The following VPS52 variants were observed in gnomAD, a reference collection of about 807,000 sequenced individuals.
The protein encoded by VPS52 is vacuolar protein sorting-associated protein 52 homolog.
Under a neutral mutation model 98.7 loss-of-function variants are expected in VPS52, and 56 were observed. That is an observed-to-expected ratio of 0.57 (90% CI 0.46 to 0.71). The LOEUF is 0.71. Ranked by LOEUF, VPS52 falls within the 30% of genes least tolerant of loss-of-function variation. The pLI is 0.00. For missense variants in VPS52, 742 were observed against 925.9 expected (o/e 0.80, Z 2.58); for synonymous variants, 348 against 346.4 (o/e 1.00, Z -0.05).
intron 1 of VPS52, chr6:33,270,992 G>A (rs966598426): frequency 6.5e-6 from 1 of 154,952 alleles, no homozygotes; most frequent in African/African-American, 2.5e-5. Context: ...GGAGATGACC[G>A]AATGAGGAAA....
chr6:33,263,887 G>C lies in VPS52; in HGVS notation c.1621-8C>G. ...AAAATTCTCCACCTCCACCTGAAAA[G>C]GCAGAGAGGAAGAGGTGACACCAGA... On this transcript the variant is annotated splice_polypyrimidine_tract_variant and splice_region_variant and intron_variant, in intron 15 of 19. Coordinates refer to ENST00000445902, the MANE Select transcript of VPS52 (RefSeq NM_022553.6). 1.9e-6 allele frequency: 3 copies of C among 1,614,176 alleles called. No homozygotes were observed. The highest frequency in any genetic ancestry group is 2.5e-6 in the Non-Finnish European group (3 of 1,180,022).
intron 3 of VPS52, 88 bp from the exon 4 acceptor site, chr6:33,269,907 A>G (rs1467468776): frequency 6.3e-7 from 1 of 1,599,618 alleles, no homozygotes; most frequent in Non-Finnish European, 8.6e-7. Context: ...AGGGTCAGAT[A>G]CCAGGCTGAT....
Position 33,266,625 on chromosome 6 carries a change from CA to C in VPS52, c.1212del (p.Phe404LeufsTer22). On this transcript the variant is annotated frameshift_variant, in exon 12 of 20. Transcript: ENST00000445902. LOFTEE classifies it high-confidence loss of function. ...TCGTGTGCAGCTGGGCCAGACACAA[CA>C]AAAAATTCACAGATGAAAAGGTATT... ...CREYLFICEF[F>X]VVSGPAAHDL... is the part of the protein sequence containing the mutation. The C allele has an allele frequency of 6.2e-7, 1 of 1,612,770 alleles. No individual in the cohort carries two copies. The highest frequency in any genetic ancestry group is 8.5e-7 in the Non-Finnish European group (1 of 1,179,952).
At position 33,269,551 on chromosome 6, in the gene VPS52, T is replaced by C. The variant is rs1179733312; in HGVS notation, c.311A>G (p.Gln104Arg). ...IEQKSIRDYI[Q>R]ESENIASLHN... is the part of the protein sequence containing the mutation. ...TAGAGATGCTATATTCTCACTCTCTTGAATATCTGATCCACAAAAAGTCAA... is the reference window on the plus strand; with the variant it reads ...TAGAGATGCTATATTCTCACTCTCTCGAATATCTGATCCACAAAAAGTCAA... Residue 104 changes from glutamine to arginine, a missense_variant, in exon 5 of 20, where the codon CAA becomes CGA. Physicochemically the swap from Gln to Arg is conservative, Grantham distance 43. Transcript: ENST00000445902. 6.2e-7 allele frequency: 1 copy of C among 1,609,254 alleles called. No individual in the cohort carries two copies. The highest frequency in any genetic ancestry group is 1.3e-5 in the African/African-American group (1 of 74,782).
chr6:33,271,420 G>C, intron 1 of VPS52, 166 bp downstream of exon 1: 1 of 997,492 alleles, frequency 1.0e-6, no homozygotes, highest in Non-Finnish European at 1.6e-6. Context: ...CAGCCACTAG[G>C]GTCCCGCTCA....
At chr6:33,269,225 G>A (rs1410041293) in intron 5 of VPS52, 36 bp from the exon 6 acceptor site, 1 of 1,608,144 alleles carries the variant, frequency 6.2e-7, no homozygotes, top group Non-Finnish European at 8.5e-7. Context: ...AGTGCTATAG[G>A]GTTTGTAGGG....
intron 3 of VPS52, 86 bp downstream of exon 3, chr6:33,269,913 C>G: frequency 6.2e-7 from 1 of 1,601,392 alleles, no homozygotes; most frequent in Non-Finnish European, 8.6e-7. Flanking sequence ...AGATACCAGG[C>G]TGATACAACA....
intron 12 of VPS52, among the ~76,000 whole-genome samples, 194 bp from the exon 13 acceptor site, chr6:33,265,094 T>C (rs1290596097): frequency 6.6e-6 from 1 of 152,016 alleles, no homozygotes; most frequent in East Asian, 1.9e-4. Flanking sequence ...TTTTTTGAGA[T>C]AGAGTTTCAC....
intron 4 of VPS52, 92 bp from the exon 5 acceptor site, chr6:33,269,649 A>G (rs1371557278): frequency 2.5e-6 from 4 of 1,570,878 alleles, no homozygotes; most frequent in African/African-American, 1.4e-5. Context: ...AGTGATAGAA[A>G]CCTCAGAGAT....
In VPS52 at chr6:33,271,727, G is replaced by C. The variant is rs761215436; in HGVS notation, c.-52C>G. 11 of 1,557,230 alleles carry C rather than the reference G, an allele frequency of 7.1e-6. No individual in the cohort carries two copies. Among genetic ancestry groups the C allele is most frequent in the Non-Finnish European group, 9.6e-6 (11 of 1,149,800 alleles). On this transcript the variant is annotated 5_prime_UTR_variant, in exon 1 of 20. Transcript: ENST00000445902. ...GTCAGTCCCGGCGAGTCCGTTCCCC[G>C]GAGTGGAGCTACAAGTCCCAAAGGG... is the stretch of plus-strand genomic sequence containing the variant.
At chr6:33,270,473 G>A (rs112764150) in intron 1 of VPS52, among the ~76,000 whole-genome samples, 190 bp from the exon 2 acceptor site, 5,796 of 152,178 alleles carry the variant, frequency 0.038, 190 homozygotes, top group African/African-American at 0.087. Flanking sequence ...TAAGGAATAC[G>A]ACAAGGAGTG....
Position 33,267,594 on chromosome 6 carries a change from A to G in VPS52, c.991+88T>C, listed in dbSNP as rs1214278868. ...TCTAAAAGGTTTCAGTCCCATAGGA[A>G]AAGGTAAGGAGCAGTGCATTGGTGG... On this transcript the variant is annotated intron_variant, in intron 10 of 19. Transcript: ENST00000445902. The surrounding 1 kb of genome is among the most constrained non-coding windows in gnomAD (Gnocchi z 4.2). The G allele has an allele frequency of 2.0e-6, 3 of 1,480,848 alleles. No individual in the cohort carries two copies. The highest frequency in any genetic ancestry group is 2.8e-6 in the Non-Finnish European group (3 of 1,076,910). The allele number at this position is 1,480,848 out of a possible 1,614,324, so 91.7% of individuals were successfully genotyped here. A position where few individuals can be genotyped will look rare whatever the true frequency, so the allele number is the denominator to read the frequency against.
chr6:33,268,735 C>A lies in VPS52; in HGVS notation c.549-86G>T. The A allele has an allele frequency of 6.9e-7, 1 of 1,443,106 alleles. No individual in the cohort carries two copies. The highest frequency in any genetic ancestry group is 9.2e-7 in the Non-Finnish European group (1 of 1,086,456). The allele number at this position is 1,443,106 out of a possible 1,614,324, so 89.4% of individuals were successfully genotyped here. On this transcript the variant is annotated intron_variant, in intron 6 of 19. Transcript: ENST00000445902. This position sits in a 1 kb window ranked among gnomAD's most constrained non-coding sequence, Gnocchi z 4.0. ...CCCAGACCACACTCCTTACCTCCAG[C>A]CCCTGTCATCTCTACCACCTTGCAT...
intron 17 of VPS52, among the ~76,000 whole-genome samples, chr6:33,260,721 C>T (rs553073513): frequency 9.9e-4 from 150 of 151,996 alleles, no homozygotes; most frequent in African/African-American, 3.1e-3. Context: ...GAATCTAGGC[C>T]GGGTGCAGTG....
chr6:33,260,294 G>A (rs2150820020), intron 17 of VPS52, among the ~76,000 whole-genome samples: 1 of 151,992 alleles, frequency 6.6e-6, no homozygotes, highest in East Asian at 1.9e-4. Context: ...ATTTCAAAGT[G>A]GTCCTCTCGC....
intron 17 of VPS52, among the ~76,000 whole-genome samples, chr6:33,261,832 G>C (rs557678546): frequency 1.3e-5 from 2 of 151,972 alleles, no homozygotes; most frequent in Non-Finnish European, 2.9e-5. Flanking sequence ...CCTGAGGTCA[G>C]GAGTTTGAGA....
Position 33,267,248 on chromosome 6 carries a change from G to A in VPS52, c.1065C>T (p.Ser355=), listed in dbSNP as rs1351498294. Residue 355 remains serine, a synonymous_variant, in exon 11 of 20, where the codon TCC becomes TCT. Transcript: ENST00000445902. This position sits in a 1 kb window ranked among gnomAD's most constrained non-coding sequence, Gnocchi z 4.2. The part of the protein sequence containing the change: ...FTLGTRGSVI[S]PTELEAPILV... ...GGATGGGGGCCTCAAGTTCAGTGGG[G>A]GAGATGACAGAGCCGCGGGTTCCTA... 2 of 1,603,908 alleles carry A rather than the reference G, an allele frequency of 1.2e-6. No individual in the cohort carries two copies. Among genetic ancestry groups the A allele is most frequent in the African/African-American group, 2.7e-5 (2 of 74,414 alleles).
chr6:33,269,620 CT>C, intron 4 of VPS52, 63 bp from the exon 5 acceptor site: 3 of 1,581,512 alleles, frequency 1.9e-6, no homozygotes, highest in Non-Finnish European at 2.6e-6. Context: ...TTTGTAGTAC[CT>C]CTCCAATTTC....
chr6:33,261,236 G>A (rs1763595198), intron 17 of VPS52, among the ~76,000 whole-genome samples: 1 of 151,994 alleles, frequency 6.6e-6, no homozygotes, highest in Non-Finnish European at 1.5e-5. Flanking sequence ...GGAGGCCCAG[G>A]TGGGAGGATC....
Sources: gnomAD v4.1 joint callset for allele counts (sites outside exome capture counted in the v4.1 genomes callset) on GRCh38, gnomAD v4.1.1 for gene constraint, Gnocchi (gnomAD v3.1) non-coding constraint, MANE v1.5 for transcripts, NCBI Gene and HGNC (gene_info 2026-07-23, HGNC 2026-07-21) for gene names.